The following ARHGAP17 variants were observed in gnomAD, a reference collection of about 807,000 sequenced individuals.
ARHGAP17 encodes rho GTPase-activating protein 17.
ARHGAP17 carries 57 observed loss-of-function variants against 99.5 expected under a neutral mutation model. The observed-to-expected ratio is 0.57, with a 90% CI of 0.46 to 0.71. The LOEUF is 0.71. ARHGAP17 is among the 30% of genes least tolerant of loss of function. The pLI is 0.00. For synonymous variants in ARHGAP17, 417 were observed against 429.6 expected (o/e 0.97, Z 0.36); for missense variants, 1,000 against 1,122.4 (o/e 0.89, Z 1.56).
chr16:24,963,921 G>A (rs2052092005), intron 7 of ARHGAP17, among the ~76,000 whole-genome samples: 1 of 151,750 alleles, frequency 6.6e-6, no homozygotes, highest in African/African-American at 2.4e-5. Context: ...TTTATTATAT[G>A]TTTTGCTATG....
intron 18 of ARHGAP17, among the ~76,000 whole-genome samples, chr16:24,934,265 A>G (rs2051074025): frequency 6.6e-6 from 1 of 152,062 alleles, no homozygotes; most frequent in Non-Finnish European, 1.5e-5. Context: ...GGTTCAAGCA[A>G]TTCTCCTGCC....
chr16:24,952,897 G>T (rs747406714), intron 11 of ARHGAP17, 34 bp downstream of exon 11: 1 of 1,597,664 alleles, frequency 6.3e-7, no homozygotes, highest in Admixed American at 1.7e-5. Flanking sequence ...CGCCTTGAGG[G>T]TGACTTGATT....
chr16:24,975,017 G>A (rs2052473500), intron 3 of ARHGAP17, among the ~76,000 whole-genome samples: 1 of 152,212 alleles, frequency 6.6e-6, no homozygotes, highest in African/African-American at 2.4e-5. Context: ...AGCCAGGCTT[G>A]GTGGCGCAAG....
intron 12 of ARHGAP17, 43 bp from the exon 13 acceptor site, chr16:24,949,527 C>A: frequency 6.6e-7 from 1 of 1,519,804 alleles, no homozygotes; most frequent in Non-Finnish European, 9.1e-7. Context: ...ATTAAGACAC[C>A]AATTATCTTA....
intron 18 of ARHGAP17, among the ~76,000 whole-genome samples, chr16:24,933,250 G>A (rs1025550129): frequency 2.7e-5 from 4 of 145,868 alleles, no homozygotes; most frequent in Admixed American, 2.7e-4. Flanking sequence ...TGTATTCCCA[G>A]CACTCTGACT....
At chr16:24,969,309 C>T (rs914516174) in intron 4 of ARHGAP17, among the ~76,000 whole-genome samples, 1 of 152,150 alleles carries the variant, frequency 6.6e-6, no homozygotes, top group African/African-American at 2.4e-5. Flanking sequence ...CTCTATCCCT[C>T]CCTCCTCCCT....
intron 19 of ARHGAP17, among the ~76,000 whole-genome samples, chr16:24,922,974 G>A (rs971654024): frequency 3.9e-5 from 6 of 152,170 alleles, no homozygotes; most frequent in African/African-American, 1.4e-4. Context: ...ACCACACCCA[G>A]CCTCAGTAGC....
At chr16:24,979,345 A>C (rs1597445547) in intron 1 of ARHGAP17, among the ~76,000 whole-genome samples, 1 of 152,322 alleles carries the variant, frequency 6.6e-6, no homozygotes, top group East Asian at 1.9e-4. Context: ...ATTCTAATTC[A>C]ATAGACCCTG....
chr16:24,998,122 C>A (rs1172248915), intron 1 of ARHGAP17, among the ~76,000 whole-genome samples: 1 of 151,882 alleles, frequency 6.6e-6, no homozygotes, highest in African/African-American at 2.4e-5. Flanking sequence ...GCGGGTGAAG[C>A]ATGGATGAGG....
intron 6 of ARHGAP17, among the ~76,000 whole-genome samples, chr16:24,965,114 T>G (rs559946892): frequency 6.4e-4 from 97 of 152,094 alleles, no homozygotes; most frequent in Non-Finnish European, 1.1e-3. Context: ...AATGGGTATG[T>G]CTGGTGTTGT....
chr16:24,952,981 C>A lies in ARHGAP17; in HGVS notation c.914G>T (p.Cys305Phe), dbSNP rs1161733393. 6.2e-7 allele frequency: 1 copy of A among 1,614,092 alleles called. No individual in the cohort carries two copies. The highest frequency in any genetic ancestry group is 8.5e-7 in the Non-Finnish European group (1 of 1,180,040). The change falls in exon 11 of 20, where the codon TGT becomes TTT. Residue 305 changes from cysteine (C) to phenylalanine (F), a missense_variant. By Grantham distance (205) the Cys-to-Phe change is radical. Coordinates refer to ENST00000289968, the MANE Select transcript of ARHGAP17 (RefSeq NM_001006634.3). ...GAACTCATCCAGGTGAGAAGTAGAA[C>A]AGTCCAAAGCAGCTTTCAGCTTCTT... ...KLKKLKAALD[C>F]STSHLDEFYS... is the part of the protein sequence containing the mutation.
intron 16 of ARHGAP17, among the ~76,000 whole-genome samples, chr16:24,941,174 C>T (rs966943336): frequency 9.9e-5 from 15 of 152,210 alleles, no homozygotes; most frequent in African/African-American, 3.6e-4. Flanking sequence ...ACAAACAGCA[C>T]ACCTCACTAT....
chr16:24,961,518 A>AT (rs1171754361), intron 7 of ARHGAP17, among the ~76,000 whole-genome samples: 16,078 of 81,120 alleles, frequency 0.2, 2,166 homozygotes, highest in East Asian at 0.34. Context: ...AAAAAAAAAA[A>AT]TTTTTTTTTT....
chr16:24,941,466 A>AT (rs201645050), intron 16 of ARHGAP17, among the ~76,000 whole-genome samples: 23 of 151,412 alleles, frequency 1.5e-4, no homozygotes, highest in South Asian at 6.2e-4. Flanking sequence ...CAACACTGCC[A>AT]TTTTTTTTTC....
rs1056830082 is a variant in ARHGAP17 at position 24,987,335 on chromosome 16, G to A, written c.54-8330C>T. On this transcript the variant is annotated intron_variant, in intron 1 of 19. Transcript: ENST00000289968. The stretch of plus-strand genomic sequence containing the variant: ...TATTTAAAAATGCCAAAACCATTCT[G>A]AGCCTGCAGCAGCCGCATTTAGCCC... Among the ~76,000 whole-genome samples, 5 of 152,226 alleles carry A rather than the reference G, an allele frequency of 3.3e-5. No individual in the cohort carries two copies. In the East Asian group the frequency reaches 7.7e-4, roughly 24 times the overall value.
chr16:24,927,027 T>C, intron 19 of ARHGAP17, among the ~76,000 whole-genome samples: 1 of 152,160 alleles, frequency 6.6e-6, no homozygotes, highest in South Asian at 2.1e-4. Flanking sequence ...TCCCAGCACT[T>C]TGGGAGGCTG....
chr16:24,935,296 AT>A (rs1424443037), intron 18 of ARHGAP17, among the ~76,000 whole-genome samples, 173 bp downstream of exon 18: 3 of 151,998 alleles, frequency 2.0e-5, no homozygotes, highest in African/African-American at 7.2e-5. Context: ...TCTGTTCTCT[AT>A]TTTTTCCTTT....
chr16:24,983,978 A>T (rs1402912120), intron 1 of ARHGAP17, among the ~76,000 whole-genome samples: 1 of 152,198 alleles, frequency 6.6e-6, no homozygotes, highest in Non-Finnish European at 1.5e-5. Flanking sequence ...CCAACCCTGC[A>T]GTGTGGCTAA....
chr16:24,933,621 T>TA (rs982579591), intron 18 of ARHGAP17, among the ~76,000 whole-genome samples: 19 of 151,478 alleles, frequency 1.3e-4, no homozygotes, highest in African/African-American at 3.9e-4. Context: ...CATCGGCATT[T>TA]AAAAAAAAAG....
Sources: gnomAD v4.1 joint callset for allele counts (sites outside exome capture counted in the v4.1 genomes callset) on GRCh38, gnomAD v4.1.1 for gene constraint, MANE v1.5 for transcripts, NCBI Gene and HGNC (gene_info 2026-07-23, HGNC 2026-07-21) for gene names.